Variants in PPARGC1A observed in about 807,000 individuals in gnomAD.
PPARGC1A encodes PPARG coactivator 1 alpha.
PPARGC1A carries 25 observed loss-of-function variants against 88.7 expected under a neutral mutation model. That is an observed-to-expected ratio of 0.28 (90% CI 0.21 to 0.39). The LOEUF (loss-of-function observed/expected upper bound fraction) is 0.39, where lower values mean the gene tolerates loss of function less well. Among genes scored for constraint, PPARGC1A ranks in the 10% least tolerant of loss-of-function variants. The pLI is 1.00. For synonymous variants in PPARGC1A, 363 were observed against 355.6 expected (o/e 1.02, Z -0.24); for missense variants, 880 against 968.7 (o/e 0.91, Z 1.22).
the PPARGC1A span, among the ~76,000 whole-genome samples, chr4:24,113,040 T>C: frequency 6.6e-6 from 1 of 152,230 alleles, no homozygotes; most frequent in Non-Finnish European, 1.5e-5. Context: ...TCCCATTTTA[T>C]TCCAGAAAAC....
At chr4:24,397,436 T>C in the PPARGC1A span, among the ~76,000 whole-genome samples, 15 of 152,328 alleles carry the variant, frequency 9.8e-5, no homozygotes, top group African/African-American at 3.1e-4. Flanking sequence ...ACTGGGTACA[T>C]GGCCATTTGT....
At chr4:23,982,372 G>C in the PPARGC1A span, among the ~76,000 whole-genome samples, 1 of 152,136 alleles carries the variant, frequency 6.6e-6, no homozygotes, top group African/African-American at 2.4e-5. Flanking sequence ...CTGCCATCAT[G>C]GTGGCATTCC....
chr4:24,007,548 G>A, the PPARGC1A span, among the ~76,000 whole-genome samples: 118 of 147,170 alleles, frequency 8.0e-4, no homozygotes, highest in Non-Finnish European at 1.6e-3. Flanking sequence ...GTAGAGATGA[G>A]AGGAAGTGAC....
intron 2 of PPARGC1A, among the ~76,000 whole-genome samples, chr4:23,878,436 T>C (rs1435038011): frequency 6.6e-6 from 1 of 151,112 alleles, no homozygotes; most frequent in Non-Finnish European, 1.5e-5. Flanking sequence ...TTAGTGCCAG[T>C]GAAAGATGGT....
chr4:24,179,277 T>A, the PPARGC1A span, among the ~76,000 whole-genome samples: 1 of 151,910 alleles, frequency 6.6e-6, no homozygotes, highest in Non-Finnish European at 1.5e-5. Flanking sequence ...ATTGCAAAAG[T>A]AAAAAATAAA....
chr4:23,848,395 C>T (rs1577498185), intron 2 of PPARGC1A, among the ~76,000 whole-genome samples: 1 of 152,136 alleles, frequency 6.6e-6, no homozygotes, highest in African/African-American at 2.4e-5. Context: ...TCATGATGCC[C>T]TCGAGCTAAC....
chr4:24,169,187 T>A, the PPARGC1A span, among the ~76,000 whole-genome samples: 6 of 152,056 alleles, frequency 3.9e-5, no homozygotes, highest in Non-Finnish European at 7.4e-5. Context: ...ACAAGACTAA[T>A]CCCAGGTGAA....
the PPARGC1A span, among the ~76,000 whole-genome samples, chr4:24,202,499 G>A: frequency 1.3e-5 from 2 of 152,172 alleles, no homozygotes; most frequent in Admixed American, 6.5e-5. Context: ...CTTCTGAAGA[G>A]TAGAGTGTTT....
At chr4:23,986,584 A>G in the PPARGC1A span, among the ~76,000 whole-genome samples, 11 of 152,106 alleles carry the variant, frequency 7.2e-5, no homozygotes, top group Non-Finnish European at 1.5e-4. Context: ...CCTAGACTAC[A>G]TTAGGCATTT....
the PPARGC1A span, among the ~76,000 whole-genome samples, chr4:24,050,915 C>T: frequency 2.0e-5 from 3 of 152,182 alleles, no homozygotes; most frequent in Admixed American, 6.5e-5. Context: ...GGGCCGGGCG[C>T]AGTGGCTCAC....
chr4:24,158,236 C>G, the PPARGC1A span, among the ~76,000 whole-genome samples: 1 of 152,146 alleles, frequency 6.6e-6, no homozygotes, highest in Non-Finnish European at 1.5e-5. Flanking sequence ...GGCAAATTCC[C>G]TGCTGTTCTA....
the PPARGC1A span, among the ~76,000 whole-genome samples, chr4:23,940,720 T>C: frequency 3.3e-5 from 5 of 152,210 alleles, no homozygotes; most frequent in Non-Finnish European, 7.3e-5. Flanking sequence ...AGTTAGCTCA[T>C]GGAACTGTCT....
At chr4:24,150,872 A>G in the PPARGC1A span, among the ~76,000 whole-genome samples, 1 of 152,224 alleles carries the variant, frequency 6.6e-6, no homozygotes, top group South Asian at 2.1e-4. Flanking sequence ...AAGGACCTCC[A>G]TAATTTGCCC....
At chr4:24,066,849 GTT>G in the PPARGC1A span, among the ~76,000 whole-genome samples, 280 of 100,842 alleles carry the variant, frequency 2.8e-3, 1 homozygote, top group African/African-American at 9.7e-3. Flanking sequence ...TTTGTTTTGG[GTT>G]TTTTTTTTTT....
chr4:24,031,274 T>C, the PPARGC1A span, among the ~76,000 whole-genome samples: 85,784 of 151,874 alleles, frequency 0.56, 24,613 homozygotes, highest in African/African-American at 0.62. Flanking sequence ...AACAGAACCA[T>C]TTGCATTCCA....
At chr4:24,104,360 G>T in the PPARGC1A span, among the ~76,000 whole-genome samples, 1 of 152,176 alleles carries the variant, frequency 6.6e-6, no homozygotes, top group Non-Finnish European at 1.5e-5. Context: ...GAAATAGGCT[G>T]TGTGGAAAAT....
At chr4:24,183,869 T>C in the PPARGC1A span, among the ~76,000 whole-genome samples, 58 of 152,352 alleles carry the variant, frequency 3.8e-4, no homozygotes, top group African/African-American at 1.3e-3. Context: ...AGTTTGCAAG[T>C]TAAAGAAAAG....
chr4:24,144,262 T>A, the PPARGC1A span, among the ~76,000 whole-genome samples: 1 of 152,212 alleles, frequency 6.6e-6, no homozygotes, highest in Non-Finnish European at 1.5e-5. Context: ...ATTATAAATG[T>A]CCAAGATGCC....
the PPARGC1A span, among the ~76,000 whole-genome samples, chr4:23,957,984 A>C: frequency 3.3e-5 from 5 of 152,066 alleles, no homozygotes; most frequent in Non-Finnish European, 1.5e-5. Flanking sequence ...CAGTCGATCT[A>C]CTCAGTTGCT....
Sources: gnomAD v4.1 joint callset for allele counts (sites outside exome capture counted in the v4.1 genomes callset) on GRCh38, gnomAD v4.1.1 for gene constraint, MANE v1.5 for transcripts, NCBI Gene and HGNC (gene_info 2026-07-23, HGNC 2026-07-21) for gene names.